MMAB: variants seen among roughly 807,000 people sequenced by gnomAD.
MMAB encodes corrinoid adenosyltransferase MMAB.
MMAB carries 17 observed loss-of-function variants against 30.6 expected under a neutral mutation model. The observed-to-expected ratio is 0.56, with a 90% CI of 0.38 to 0.83. MMAB has a LOEUF of 0.83. Among genes scored for constraint, MMAB ranks in the 40% least tolerant of loss-of-function variants. The pLI is 0.00. For synonymous variants in MMAB, 134 were observed against 138.6 expected, an observed-to-expected ratio of 0.97 and a Z score of 0.23; for missense variants, 311 against 331.6, an observed-to-expected ratio of 0.94 and a Z score of 0.48.
rs1436879773 is a variant in MMAB at position 109,561,909 on chromosome 12, C to T, written c.349-57G>A. On this transcript the variant is annotated intron_variant, in intron 4 of 8. Coordinates refer to ENST00000545712, the MANE Select transcript of MMAB (RefSeq NM_052845.4). This position sits in a 1 kb window ranked among gnomAD's most constrained non-coding sequence, Gnocchi z 5.3. The stretch of plus-strand genomic sequence containing the variant: ...CTATGTGAGATGGGCTGGACAGAGA[C>T]AATGTGCAGAGGCGCCACCTAATAC... The T allele has an allele frequency of 2.0e-6, 3 of 1,502,302 alleles. No individual in the cohort carries two copies. Among genetic ancestry groups the T allele is most frequent in the South Asian group, 1.2e-5 (1 of 84,348 alleles). The allele number at this position is 1,502,302 out of a possible 1,614,324, so 93.1% of individuals were successfully genotyped here.
intron 2 of MMAB, 135 bp from the exon 3 acceptor site, chr12:109,568,998 T>G (rs1327276935): frequency 5.5e-6 from 4 of 721,794 alleles, no homozygotes; most frequent in Non-Finnish European, 9.7e-6. Flanking sequence ...CAGGCTGGAG[T>G]ACAGCGGCGT....
rs116381019 is a variant in MMAB, at chr12:109,557,845, C to T, written c.645-709G>A. On this transcript the variant is annotated intron_variant, in intron 8 of 8. Transcript: ENST00000545712. ...AGAGACCAGAGCCCAGCCCCTTTCC[C>T]GCCTCCTCCTTTGAACCAACAGCAA... Among the ~76,000 whole-genome samples, 795 of 152,190 alleles carry T rather than the reference C, an allele frequency of 5.2e-3. 6 individuals carry two copies. The highest frequency in any genetic ancestry group is 0.018 in the African/African-American group (744 of 41,440).
At chr12:109,560,972 T>TCCC in intron 7 of MMAB, 68 bp downstream of exon 7, 25 of 464,382 alleles carry the variant, frequency 5.4e-5, no homozygotes, top group South Asian at 1.1e-4. Flanking sequence ...CCTCTCCCTC[T>TCCC]CCCTCCCCCC....
In MMAB at chr12:109,558,493, C is replaced by T. The variant is rs1037107593; in HGVS notation, c.644+603G>A. 3.9e-5 allele frequency among the ~76,000 whole-genome samples: 6 copies of T among 152,188 alleles called. No homozygotes were observed. Among genetic ancestry groups the T allele is most frequent in the Non-Finnish European group, 7.4e-5 (5 of 68,022 alleles). On this transcript the variant is annotated intron_variant, in intron 8 of 8. Transcript: ENST00000545712. The surrounding 1 kb of genome is among the most constrained non-coding windows in gnomAD (Gnocchi z 4.3). Reference sequence around the variant, plus strand: ...TCTCTACCTGCCCCCAGGCTCTGGCCTTGCCCACACTGATGCCACAGAAGC... The same window carrying T: ...TCTCTACCTGCCCCCAGGCTCTGGCTTTGCCCACACTGATGCCACAGAAGC...
rs376727501 is a variant in MMAB at position 109,561,433 on chromosome 12, G to T, written c.506C>A (p.Ala169Asp). ...CCCAGTACCTACAGGCAGGATGAAG[G>T]CCGTGAGTGGTGGGAGCTGGCTGGT... Reference protein sequence around the residue: ...KYTSQLPPLTAFILPSGGKIS... With the variant: ...KYTSQLPPLTDFILPSGGKIS... Residue 169 changes from alanine (A) to aspartate (D), a missense_variant, in exon 6 of 9, where the codon GCC (alanine) becomes GAC (aspartate). Ala to Asp is a moderately radical substitution (Grantham distance 126, BLOSUM62 -2). Transcript: ENST00000545712. This position sits in a 1 kb window ranked among gnomAD's most constrained non-coding sequence, Gnocchi z 5.3. 2 of 1,550,940 alleles carry T rather than the reference G, an allele frequency of 1.3e-6. No individual in the cohort carries two copies. The highest frequency in any genetic ancestry group is 1.2e-5 in the South Asian group (1 of 84,066).
rs1219902619 is a variant in MMAB at position 109,553,735 on chromosome 12, A to G, written c.*3293T>C. On this transcript the variant is annotated 3_prime_UTR_variant, in exon 9 of 9. Transcript: ENST00000545712. ...ACTGATTTATGTAGCATTCATGCGG[A>G]ATTTATTATACAAAGAATTTTATTC... 2.5e-6 allele frequency: 1 copy of G among 404,590 alleles called. No individual in the cohort carries two copies. Among genetic ancestry groups the G allele is most frequent in the East Asian group, 7.2e-5 (1 of 13,874 alleles). The allele number at this position is 404,590 out of a possible 1,614,324, so 25.1% of individuals were successfully genotyped here.
chr12:109,558,710 G>A lies in MMAB; in HGVS notation c.644+386C>T, dbSNP rs755651926. Among the ~76,000 whole-genome samples, 3 of 152,010 alleles carry A rather than the reference G, an allele frequency of 2.0e-5. No homozygotes were observed. The highest frequency in any genetic ancestry group is 4.4e-5 in the Non-Finnish European group (3 of 67,966). On this transcript the variant is annotated intron_variant, in intron 8 of 8. Coordinates refer to ENST00000545712, the MANE Select transcript of MMAB (RefSeq NM_052845.4). The surrounding 1 kb of genome is among the most constrained non-coding windows in gnomAD (Gnocchi z 4.3). ...CTGCCGCAGGCCCTCTCGGGGACAG[G>A]AAACTGGCTGAGAGAGGGCCTGAAG...
At position 109,568,870 on chromosome 12, in the gene MMAB, A is replaced by G; in HGVS notation, c.197-7T>C. ...GTGAAGGTACTAGAAAACCCTGTGGAAAAAAATGTTTAGCCACCCAAATTA... is the reference window on the plus strand; with the variant it reads ...GTGAAGGTACTAGAAAACCCTGTGGGAAAAAATGTTTAGCCACCCAAATTA... On this transcript the variant is annotated splice_polypyrimidine_tract_variant and splice_region_variant and intron_variant, in intron 2 of 8. Coordinates refer to ENST00000545712, the MANE Select transcript of MMAB (RefSeq NM_052845.4). 2 of 1,603,478 alleles carry G rather than the reference A, an allele frequency of 1.2e-6. No individual in the cohort carries two copies. Among genetic ancestry groups the G allele is most frequent in the Non-Finnish European group, 1.7e-6 (2 of 1,170,386 alleles).
Position 109,561,013 on chromosome 12 carries a change from C to A in MMAB, c.584+27G>T. 1 of 1,511,562 alleles carries A rather than the reference C, an allele frequency of 6.6e-7. No individual in the cohort carries two copies. Among genetic ancestry groups the A allele is most frequent in the Non-Finnish European group, 9.1e-7 (1 of 1,103,524 alleles). The allele number at this position is 1,511,562 out of a possible 1,614,324, so 93.6% of individuals were successfully genotyped here. ...CTTGTTCCTCTCCCTCTCCCTTGGG[C>A]CCTCTCCCTCTCTCCAGCCCTCTTA... On this transcript the variant is annotated intron_variant, in intron 7 of 8. Coordinates refer to ENST00000545712, the MANE Select transcript of MMAB (RefSeq NM_052845.4). The surrounding 1 kb of genome is among the most constrained non-coding windows in gnomAD (Gnocchi z 5.3).
At chr12:109,572,023 G>A (rs1884653979) in intron 1 of MMAB, among the ~76,000 whole-genome samples, 1 of 152,154 alleles carries the variant, frequency 6.6e-6, no homozygotes, top group South Asian at 2.1e-4. Flanking sequence ...ACTGTGCCAA[G>A]TAGTTTACAG....
intron 1 of MMAB, among the ~76,000 whole-genome samples, chr12:109,573,070 C>T (rs892109657): frequency 6.6e-6 from 1 of 152,210 alleles, no homozygotes; most frequent in Non-Finnish European, 1.5e-5. Context: ...GAATAAACTG[C>T]TTTGGAGATT....
At chr12:109,557,866 A>C (rs1884034105) in intron 8 of MMAB, among the ~76,000 whole-genome samples, 1 of 152,196 alleles carries the variant, frequency 6.6e-6, no homozygotes, top group Non-Finnish European at 1.5e-5. Context: ...TTGAACCAAC[A>C]GCAATGGTCA....
chr12:109,566,826 T>C (rs1884444898), intron 3 of MMAB, among the ~76,000 whole-genome samples: 1 of 152,244 alleles, frequency 6.6e-6, no homozygotes, highest in Non-Finnish European at 1.5e-5. Context: ...TGAGAGACGA[T>C]GGCTCGTGTT....
intron 4 of MMAB, among the ~76,000 whole-genome samples, chr12:109,563,705 A>G (rs961984525): frequency 4.6e-5 from 7 of 152,216 alleles, no homozygotes; most frequent in Non-Finnish European, 8.8e-5. Flanking sequence ...GGAGGTTGAA[A>G]GCCTTCCTCC....
intron 7 of MMAB, among the ~76,000 whole-genome samples, chr12:109,560,113 T>G (rs1219585195): frequency 6.6e-6 from 1 of 152,242 alleles, no homozygotes; most frequent in Non-Finnish European, 1.5e-5. Context: ...ATGACAGTTT[T>G]TTCTTTTGAA....
rs1566128266 is a variant in MMAB, at chr12:109,555,281, T to TTTTTTTTTG, written c.*1746_*1747insCAAAAAAAA. On this transcript the variant is annotated 3_prime_UTR_variant, in exon 9 of 9. Transcript: ENST00000545712. ...TAGTGATTGCGTTTTCAGGGTTTTTTTTTTTTTTTTTTTTTTTTTGTGACG... is the reference window on the plus strand; with the variant it reads ...TAGTGATTGCGTTTTCAGGGTTTTTTTTTTTTTTGTTTTTTTTTTTTTTTTTTTGTGACG... 4.4e-6 allele frequency: 1 copy of TTTTTTTTTG among 226,392 alleles called. No individual in the cohort carries two copies. Among genetic ancestry groups the TTTTTTTTTG allele is most frequent in the Non-Finnish European group, 9.2e-6 (1 of 108,338 alleles). The allele number at this position is 226,392 out of a possible 1,614,324, so 14.0% of individuals were successfully genotyped here.
At chr12:109,562,677 A>G (rs1884256678) in intron 4 of MMAB, among the ~76,000 whole-genome samples, 1 of 152,256 alleles carries the variant, frequency 6.6e-6, no homozygotes, top group Non-Finnish European at 1.5e-5. Context: ...AGTTGGGCCA[A>G]GAGGTCAAAT....
Position 109,561,206 on chromosome 12 carries a change from T to A in MMAB, c.520-102A>T. ...CAGCCCTGCCCCCCAAACCGGGCAG[T>A]GTTCTGCCTCCAGGAGCCCTGCCAC... On this transcript the variant is annotated intron_variant, in intron 6 of 8. Coordinates refer to ENST00000545712, the MANE Select transcript of MMAB (RefSeq NM_052845.4). This position sits in a 1 kb window ranked among gnomAD's most constrained non-coding sequence, Gnocchi z 5.3. 6.3e-7 allele frequency: 1 copy of A among 1,594,506 alleles called. No homozygotes were observed. The highest frequency in any genetic ancestry group is 1.3e-5 in the African/African-American group (1 of 74,944).
chr12:109,556,308 G>A lies in MMAB; in HGVS notation c.*720C>T, dbSNP rs1174658466. 4.4e-6 allele frequency: 2 copies of A among 453,712 alleles called. No homozygotes were observed. The highest frequency in any genetic ancestry group is 4.7e-5 in the Admixed American group (2 of 42,566). The allele number at this position is 453,712 out of a possible 1,614,324, so 28.1% of individuals were successfully genotyped here. On this transcript the variant is annotated 3_prime_UTR_variant, in exon 9 of 9. Coordinates refer to ENST00000545712, the MANE Select transcript of MMAB (RefSeq NM_052845.4). ...GCAGACCCTTGACTCAGTCCAACCA[G>A]ACAGGGAATGTTCACCTTCAAGTGG...
Sources: allele counts gnomAD v4.1 joint callset (sites outside exome capture counted in the v4.1 genomes callset), GRCh38; gene constraint gnomAD v4.1.1; non-coding constraint Gnocchi (gnomAD v3.1); transcripts MANE v1.5; gene names NCBI Gene and HGNC (gene_info 2026-07-23, HGNC 2026-07-21).